Variants in MACF1 observed in about 807,000 individuals in gnomAD.
MACF1 encodes the protein microtubule actin crosslinking factor 1.
In MACF1, 193 loss-of-function variants were observed where a neutral mutation model predicts 854.8. That is an observed-to-expected ratio of 0.23 (90% confidence interval 0.20 to 0.25). MACF1 has a LOEUF of 0.25. Among genes scored for constraint, MACF1 ranks in the 10% least tolerant of loss-of-function variants. MACF1 has a pLI of 1.00. For missense variants in MACF1, 7,722 were observed against 8,929.1 expected, an observed-to-expected ratio of 0.86 and a Z score of 5.45; for synonymous variants, 3,185 against 3,226.7, an observed-to-expected ratio of 0.99 and a Z score of 0.44.
At chr1:39,094,821 G>A (rs1477372676) in intron 2 of MACF1, among the ~76,000 whole-genome samples, 1 of 152,194 alleles carries the variant, frequency 6.6e-6, no homozygotes, top group Non-Finnish European at 1.5e-5. Context: ...GAGCCCGGGA[G>A]GTCAAGGCTG....
At position 39,283,830 on chromosome 1, in the gene MACF1, T is replaced by C. The variant is rs1166855246; in HGVS notation, c.916-236T>C. On this transcript the variant is annotated intron_variant, in intron 9 of 100. Coordinates refer to ENST00000564288, the MANE Select transcript of MACF1 (RefSeq NM_001394062.1). The surrounding 1 kb of genome is among the most constrained non-coding windows in gnomAD (Gnocchi z 4.5). ...GCTTGATTAGGTAGATCATGGCTCT[T>C]TTCAGAATATTTTTAGTAGCTTGGT... 6.6e-6 allele frequency among the ~76,000 whole-genome samples: 1 copy of C among 152,172 alleles called. No homozygotes were observed. The highest frequency in any genetic ancestry group is 2.4e-5 in the African/African-American group (1 of 41,454).
intron 6 of MACF1, among the ~76,000 whole-genome samples, chr1:39,259,109 C>T (rs1219823832): frequency 6.6e-6 from 1 of 152,114 alleles, no homozygotes; most frequent in Admixed American, 6.5e-5. Flanking sequence ...TGGAGGACTA[C>T]AGTTATCCCT....
intron 63 of MACF1, 30 bp downstream of exon 63, chr1:39,428,317 G>T: frequency 1.3e-6 from 2 of 1,516,672 alleles, no homozygotes; most frequent in Non-Finnish European, 1.8e-6. Context: ...TATTGGTTAT[G>T]TTATTCTGTT....
intron 58 of MACF1, among the ~76,000 whole-genome samples, chr1:39,396,277 G>A (rs1468312357): frequency 4.8e-5 from 7 of 145,870 alleles, no homozygotes; most frequent in Non-Finnish European, 8.9e-5. Flanking sequence ...CCGACATCGC[G>A]CCACTGCACT....
chr1:39,392,757 TA>T (rs1642083136), intron 58 of MACF1, among the ~76,000 whole-genome samples: 1 of 152,196 alleles, frequency 6.6e-6, no homozygotes, highest in Admixed American at 6.5e-5. Flanking sequence ...TGTGGAATAC[TA>T]AAATACATTA....
At chr1:39,304,486 T>C in intron 23 of MACF1, 1 of 1,436,636 alleles carries the variant, frequency 7.0e-7, no homozygotes, top group Non-Finnish European at 9.7e-7. Context: ...GAAATACTTT[T>C]CCTTGAGATT....
Position 39,332,039 on chromosome 1 carries a change from C to T in MACF1, c.5451C>T (p.Val1817=). 2.5e-6 allele frequency: 4 copies of T among 1,613,864 alleles called. No homozygotes were observed. The highest frequency in any genetic ancestry group is 2.5e-6 in the Non-Finnish European group (3 of 1,179,976). ...QLQTGGIIDT[V]TGQRLTIDEA... ...AGACAGGAGGCATCATAGACACTGT[C>T]ACGGGGCAAAGGCTAACAATAGATG... Residue 1817 remains valine, a synonymous_variant, in exon 37 of 101, where the codon GTC becomes GTT. Coordinates refer to ENST00000564288, the MANE Select transcript of MACF1 (RefSeq NM_001394062.1).
At chr1:39,474,896 C>T (rs958268490) in intron 97 of MACF1, among the ~76,000 whole-genome samples, 1 of 152,132 alleles carries the variant, frequency 6.6e-6, no homozygotes, top group Non-Finnish European at 1.5e-5. Flanking sequence ...GTTCTTGGTA[C>T]AGAAACCACA....
intron 36 of MACF1, among the ~76,000 whole-genome samples, chr1:39,329,276 C>A (rs577755821): frequency 9.9e-5 from 15 of 152,120 alleles, no homozygotes; most frequent in Non-Finnish European, 2.1e-4. Context: ...AGATGAGAAC[C>A]AAATATACTG....
chr1:39,324,589 T>A (rs1311317543), intron 34 of MACF1, 57 bp from the exon 35 acceptor site: 13 of 1,407,480 alleles, frequency 9.2e-6, no homozygotes, highest in African/African-American at 1.4e-5. Context: ...TTTTAAATAA[T>A]TTTTGACTCT....
At chr1:39,388,983 A>T (rs1477054733) in intron 58 of MACF1, among the ~76,000 whole-genome samples, 4 of 145,628 alleles carry the variant, frequency 2.7e-5, no homozygotes, top group African/African-American at 1.0e-4. Context: ...GGCTCAAGCG[A>T]TCCTCCCACT....
intron 2 of MACF1, among the ~76,000 whole-genome samples, chr1:39,096,465 C>A (rs1641939108): frequency 6.6e-6 from 1 of 151,934 alleles, no homozygotes; most frequent in Admixed American, 6.6e-5. Flanking sequence ...TGGCTCATGC[C>A]TGTAATCCTA....
chr1:39,117,832 G>C (rs989183761), intron 2 of MACF1, among the ~76,000 whole-genome samples: 8 of 152,134 alleles, frequency 5.3e-5, no homozygotes, highest in African/African-American at 1.9e-4. Flanking sequence ...ACAAATAATG[G>C]ATTATTGCTC....
In MACF1 at chr1:39,485,958, T is replaced by C. The variant is rs1570254964; in HGVS notation, c.*164T>C. ...TTCTTTTTGTAAGTTACTATTTTCA[T>C]GTGAATATTTATGTAGATAAAATTT... On this transcript the variant is annotated 3_prime_UTR_variant, in exon 101 of 101. Transcript: ENST00000564288. The C allele has an allele frequency of 4.0e-6, 3 of 749,632 alleles. No homozygotes were observed. Among genetic ancestry groups the C allele is most frequent in the Non-Finnish European group, 5.6e-6 (3 of 536,090 alleles). 46.4% of individuals were successfully genotyped at this position (749,632 alleles called of 1,614,324 possible).
intron 97 of MACF1, among the ~76,000 whole-genome samples, chr1:39,477,987 G>T (rs1644941689): frequency 1.4e-5 from 2 of 138,892 alleles, no homozygotes. Flanking sequence ...GGCAGAGTTT[G>T]CTCAGAAGTG....
intron 62 of MACF1, 61 bp downstream of exon 62, chr1:39,427,675 T>A (rs1488372222): frequency 1.3e-6 from 2 of 1,513,542 alleles, no homozygotes; most frequent in Non-Finnish European, 1.8e-6. Flanking sequence ...TAGAAATGAG[T>A]AAACTGCCTG....
intron 2 of MACF1, among the ~76,000 whole-genome samples, chr1:39,173,481 G>A (rs1643981489): frequency 6.6e-6 from 1 of 152,198 alleles, no homozygotes; most frequent in Admixed American, 6.5e-5. Flanking sequence ...GTTTAGGCCT[G>A]ATTTCTATCC....
intron 90 of MACF1, 176 bp from the exon 91 acceptor site, chr1:39,458,910 G>A: frequency 1.7e-6 from 1 of 605,064 alleles, no homozygotes; most frequent in Admixed American, 3.4e-5. Flanking sequence ...TGTGCTGGGA[G>A]GATCAGTACT....
At chr1:39,249,405 T>G (rs547901701) in intron 2 of MACF1, among the ~76,000 whole-genome samples, 1 of 152,312 alleles carries the variant, frequency 6.6e-6, no homozygotes, top group Non-Finnish European at 1.5e-5. Context: ...GAGAGATAGA[T>G]AACATATTAA....
Sources: allele counts gnomAD v4.1 joint callset (sites outside exome capture counted in the v4.1 genomes callset), GRCh38; gene constraint gnomAD v4.1.1; non-coding constraint Gnocchi (gnomAD v3.1); transcripts MANE v1.5; gene names NCBI Gene and HGNC (gene_info 2026-07-23, HGNC 2026-07-21).